FIGN: variants seen among roughly 807,000 people sequenced by gnomAD.
The protein encoded by FIGN is fidgetin.
In FIGN, 11 loss-of-function variants were observed where a neutral mutation model predicts 51.3. The observed-to-expected ratio is 0.21, with a 90% CI of 0.13 to 0.35. The LOEUF is 0.35. Among genes scored for constraint, FIGN ranks in the 10% least tolerant of loss-of-function variants. The pLI is 1.00. For synonymous variants in FIGN, 407 were observed against 363.2 expected (o/e 1.12, Z -1.37); for missense variants, 857 against 943.6 (o/e 0.91, Z 1.20).
chr2:163,625,382 T>C (rs1683039162), intron 2 of FIGN, among the ~76,000 whole-genome samples: 1 of 152,072 alleles, frequency 6.6e-6, no homozygotes, highest in African/African-American at 2.4e-5. Flanking sequence ...TAACATTATA[T>C]TGCTTTATTA....
intron 2 of FIGN, among the ~76,000 whole-genome samples, chr2:163,692,390 T>C (rs765755879): frequency 6.6e-6 from 1 of 152,194 alleles, no homozygotes; most frequent in Non-Finnish European, 1.5e-5. Flanking sequence ...TATAACAATA[T>C]GATATTAATG....
At chr2:163,615,912 A>G (rs2028405) in intron 2 of FIGN, among the ~76,000 whole-genome samples, 11,985 of 152,212 alleles carry the variant, frequency 0.079, 730 homozygotes, top group Admixed American at 0.18. Flanking sequence ...CAGCTGGCAA[A>G]TTTCATCATG....
At chr2:163,633,803 C>T (rs553637835) in intron 2 of FIGN, among the ~76,000 whole-genome samples, 2 of 152,282 alleles carry the variant, frequency 1.3e-5, no homozygotes, top group South Asian at 2.1e-4. Context: ...CTCTAGAGCT[C>T]CAGAACCTAT....
Position 163,603,862 on chromosome 2 carries a change from T to C in FIGN, c.*5690A>G, listed in dbSNP as rs945286714. 3.3e-5 allele frequency: 5 copies of C among 152,124 alleles called. No homozygotes were observed. The highest frequency in any genetic ancestry group is 7.4e-5 in the Non-Finnish European group (5 of 67,990). 9.4% of individuals were successfully genotyped at this position (152,124 alleles called of 1,614,324 possible). A position where few individuals can be genotyped will look rare whatever the true frequency, so the allele number is the denominator to read the frequency against. On this transcript the variant is annotated 3_prime_UTR_variant, in exon 3 of 3. Coordinates refer to ENST00000333129, the MANE Select transcript of FIGN (RefSeq NM_018086.4). The stretch of plus-strand genomic sequence containing the variant: ...AGAGCTGGTGAAGAAAAAGAACGAA[T>C]GCTAAAATAAATAGTATAATATAAA...
At chr2:163,676,685 T>C (rs2105336598) in intron 2 of FIGN, among the ~76,000 whole-genome samples, 1 of 151,860 alleles carries the variant, frequency 6.6e-6, no homozygotes, top group Admixed American at 6.6e-5. Flanking sequence ...ATCAGCTCTG[T>C]GGTTAAGTTT....
chr2:163,649,164 T>C (rs1175481611), intron 2 of FIGN, among the ~76,000 whole-genome samples: 1 of 152,162 alleles, frequency 6.6e-6, no homozygotes, highest in Non-Finnish European at 1.5e-5. Flanking sequence ...TCCTGTACTG[T>C]CAAAATACAA....
chr2:163,686,283 C>T (rs995549485), intron 2 of FIGN, among the ~76,000 whole-genome samples: 1 of 152,102 alleles, frequency 6.6e-6, no homozygotes. Flanking sequence ...ACAGTTTTAT[C>T]CTAGACAAAG....
intron 2 of FIGN, among the ~76,000 whole-genome samples, chr2:163,616,446 C>T (rs1336330993): frequency 2.6e-5 from 4 of 152,184 alleles, no homozygotes; most frequent in African/African-American, 9.7e-5. Context: ...TTCAACAGTT[C>T]ATCAGGTCTA....
rs1286221421 is a variant in FIGN, at chr2:163,688,740, A to G, written c.25+46163T>C. Among the ~76,000 whole-genome samples the G allele has an allele frequency of 2.0e-5, 3 of 152,340 alleles. No homozygotes were observed. In the East Asian group the frequency reaches 5.8e-4, roughly 29 times the overall value. On this transcript the variant is annotated intron_variant, in intron 2 of 2. Coordinates refer to ENST00000333129, the MANE Select transcript of FIGN (RefSeq NM_018086.4). ...GTCGCAAGAGGGAGAACCTAAAGCC[A>G]AAGTTAACAACTCTGGATTCCTCTT...
intron 2 of FIGN, among the ~76,000 whole-genome samples, chr2:163,666,852 A>G (rs113790614): frequency 1.3e-5 from 2 of 151,986 alleles, no homozygotes; most frequent in Non-Finnish European, 2.9e-5. Flanking sequence ...TATACCCCAG[A>G]AGATTTCCTG....
intron 2 of FIGN, among the ~76,000 whole-genome samples, chr2:163,709,529 T>C (rs1295393401): frequency 1.3e-5 from 2 of 152,068 alleles, no homozygotes; most frequent in African/African-American, 4.8e-5. Context: ...ACCAAAGGTT[T>C]GGAAATATCT....
At chr2:163,701,960 C>T (rs1187140071) in intron 2 of FIGN, among the ~76,000 whole-genome samples, 1 of 152,098 alleles carries the variant, frequency 6.6e-6, no homozygotes, top group African/African-American at 2.4e-5. Context: ...TTTGCAACCT[C>T]GCCCCCAGCT....
chr2:163,697,727 C>A (rs1684344843), intron 2 of FIGN, among the ~76,000 whole-genome samples: 1 of 152,016 alleles, frequency 6.6e-6, no homozygotes, highest in South Asian at 2.1e-4. Context: ...GGACCATATG[C>A]AAGTAATTTT....
chr2:163,628,400 G>A (rs1389294116), intron 2 of FIGN, among the ~76,000 whole-genome samples: 1 of 152,182 alleles, frequency 6.6e-6, no homozygotes, highest in Admixed American at 6.6e-5. Context: ...TCTGGAAGCA[G>A]AGTGGTTTGA....
intron 2 of FIGN, among the ~76,000 whole-genome samples, chr2:163,703,522 T>C (rs1271018882): frequency 6.6e-6 from 1 of 152,152 alleles, no homozygotes; most frequent in East Asian, 1.9e-4. Context: ...TGACAGAAAG[T>C]GCTACATAGA....
At chr2:163,721,790 A>C (rs2105363460) in intron 2 of FIGN, among the ~76,000 whole-genome samples, 1 of 152,324 alleles carries the variant, frequency 6.6e-6, no homozygotes, top group Non-Finnish European at 1.5e-5. Flanking sequence ...GCTTTCAGTA[A>C]AGGTTATAGG....
chr2:163,697,099 TCTTTC>T (rs1465680205), intron 2 of FIGN, among the ~76,000 whole-genome samples: 5 of 128,848 alleles, frequency 3.9e-5, no homozygotes, highest in East Asian at 2.3e-4. Context: ...TCTTTTCTTT[TCTTTC>T]TTTTTTTTTT....
At position 163,609,772 on chromosome 2, in the gene FIGN, C is replaced by T. The variant is rs1223011763; in HGVS notation, c.2060G>A (p.Gly687Asp). Residue 687 changes from glycine (G) to aspartate (D), a missense_variant, in exon 3 of 3, where the codon GGC becomes GAC. Physicochemically the swap from Gly to Asp is moderately conservative, Grantham distance 94 (BLOSUM62 -1). Around this residue, in one of 3 missense-constraint regions of FIGN, gnomAD observed 799 missense variants for 849.5 expected, o/e 0.94. Coordinates refer to ENST00000333129, the MANE Select transcript of FIGN (RefSeq NM_018086.4). ...ATGAGCCACATCTAGTCCAGAAAAG[C>T]CTTCTGTGCGCTGGACGAGCAGTGC... ...EFALLVQRTE[G>D]FSGLDVAHLC... The T allele has an allele frequency of 6.2e-7, 1 of 1,614,090 alleles. No individual in the cohort carries two copies. The highest frequency in any genetic ancestry group is 8.5e-7 in the Non-Finnish European group (1 of 1,180,016).
intron 2 of FIGN, among the ~76,000 whole-genome samples, chr2:163,637,098 G>A (rs975472972): frequency 3.3e-5 from 5 of 151,966 alleles, no homozygotes; most frequent in Non-Finnish European, 5.9e-5. Flanking sequence ...AACAAAAAAC[G>A]GAACACAGAG....
Sources: gnomAD v4.1 joint callset for allele counts (sites outside exome capture counted in the v4.1 genomes callset) on GRCh38, gnomAD v4.1.1 for gene constraint, gnomAD v4.1.1 regional missense constraint, MANE v1.5 for transcripts, NCBI Gene and HGNC (gene_info 2026-07-23, HGNC 2026-07-21) for gene names.